ETF1: variants seen among roughly 807,000 people sequenced by gnomAD.
ETF1 encodes eukaryotic translation termination factor 1.
ETF1 carries 4 observed loss-of-function variants against 55.1 expected under a neutral mutation model. The ratio of observed to expected loss-of-function variants is 0.07; its 90% CI spans 0.04 to 0.17. The LOEUF is 0.17. Ranked by LOEUF, ETF1 falls within the 10% of genes least tolerant of loss-of-function variation. ETF1 has a pLI of 1.00. For synonymous variants in ETF1, 157 were observed against 182.3 expected (o/e 0.86, Z 1.12); for missense variants, 142 against 523.6 (o/e 0.27, Z 7.11).
chr5:138,541,489 T>C (rs1766171228), intron 2 of ETF1: 1 of 1,462,058 alleles, frequency 6.8e-7, no homozygotes, highest in African/African-American at 1.4e-5. Context: ...GTCCCTAATT[T>C]ATTAAGAACA....
intron 4 of ETF1, among the ~76,000 whole-genome samples, chr5:138,516,366 A>T (rs1765017190): frequency 8.0e-6 from 1 of 124,880 alleles, no homozygotes; most frequent in African/African-American, 2.6e-5. Flanking sequence ...ACCCACAAAA[A>T]TCAAAACACA....
At position 138,521,271 on chromosome 5, in the gene ETF1, A is replaced by C. The variant is rs553570411; in HGVS notation, c.87-2404T>G. ...TTCTGCTTACATGAGGTAACCTAGA[A>C]TATTAAAGTTCATAGAGACAGAGAG... On this transcript the variant is annotated intron_variant, in intron 2 of 10. Transcript: ENST00000360541. Among the ~76,000 whole-genome samples, 3 of 152,338 alleles carry C rather than the reference A, an allele frequency of 2.0e-5. No individual in the cohort carries two copies. In the East Asian group the frequency reaches 5.8e-4, roughly 29 times the overall value.
At chr5:138,515,326 G>A (rs1426537568) in intron 4 of ETF1, among the ~76,000 whole-genome samples, 1 of 152,204 alleles carries the variant, frequency 6.6e-6, no homozygotes, top group East Asian at 1.9e-4. Flanking sequence ...TCAGGAGGCT[G>A]AGGCAGGACA....
chr5:138,523,900 G>A (rs1022412984), intron 2 of ETF1, among the ~76,000 whole-genome samples: 20 of 152,074 alleles, frequency 1.3e-4, no homozygotes, highest in Admixed American at 6.6e-5. Context: ...ACCCTGGCTG[G>A]GCATGGTGGC....
At position 138,510,294 on chromosome 5, in the gene ETF1, G is replaced by A. The variant is rs190959804; in HGVS notation, c.1083+271C>T. Among the ~76,000 whole-genome samples the A allele has an allele frequency of 3.4e-5, 5 of 146,870 alleles. No homozygotes were observed. In the East Asian group the frequency reaches 1.0e-3, roughly 30 times the overall value. ...GATCACTTGAGCCCAGGAGGTGGAGGTTGCAGCGAGCCGAGATCATGCCAC... is the reference window on the plus strand; with the variant it reads ...GATCACTTGAGCCCAGGAGGTGGAGATTGCAGCGAGCCGAGATCATGCCAC... On this transcript the variant is annotated intron_variant, in intron 9 of 10. Coordinates refer to ENST00000360541, the MANE Select transcript of ETF1 (RefSeq NM_004730.4).
At chr5:138,513,493 C>A in intron 5 of ETF1, 75 bp downstream of exon 5, 1 of 1,305,528 alleles carries the variant, frequency 7.7e-7, no homozygotes, top group African/African-American at 1.4e-5. Context: ...CGTGAGCCAC[C>A]GCACCCGGCC....
At chr5:138,524,662 C>T (rs2127098936) in intron 2 of ETF1, among the ~76,000 whole-genome samples, 1 of 149,162 alleles carries the variant, frequency 6.7e-6, no homozygotes, top group Middle Eastern at 3.5e-3. Flanking sequence ...ACTGTAGCCT[C>T]TGCCTCCTGG....
chr5:138,508,502 A>G, intron 10 of ETF1, 115 bp from the exon 11 acceptor site: 1 of 1,563,536 alleles, frequency 6.4e-7, no homozygotes, highest in South Asian at 1.2e-5. Flanking sequence ...CAGAAAGCAA[A>G]GAGGTAATAA....
chr5:138,509,734 A>C (rs2127061943), intron 9 of ETF1, among the ~76,000 whole-genome samples: 1 of 152,140 alleles, frequency 6.6e-6, no homozygotes, highest in South Asian at 2.1e-4. Flanking sequence ...GTCTCTACTA[A>C]AAATACAAAA....
intron 2 of ETF1, among the ~76,000 whole-genome samples, chr5:138,539,781 A>G (rs563125369): frequency 1.1e-4 from 16 of 152,358 alleles, no homozygotes; most frequent in Middle Eastern, 6.8e-3. Context: ...GTTATAGCTC[A>G]GACTACATTT....
chr5:138,509,290 G>A (rs1764671230), intron 9 of ETF1: 2 of 457,250 alleles, frequency 4.4e-6, no homozygotes, highest in South Asian at 1.9e-4. Flanking sequence ...TGCACTTAGA[G>A]CAAACCAGAG....
intron 9 of ETF1, 66 bp downstream of exon 9, chr5:138,510,499 A>T: frequency 7.9e-7 from 1 of 1,261,040 alleles, no homozygotes; most frequent in African/African-American, 1.5e-5. Context: ...CCCTCTACAC[A>T]GCCAGTACTC....
At chr5:138,524,586 T>C (rs1765381843) in intron 2 of ETF1, among the ~76,000 whole-genome samples, 1 of 143,622 alleles carries the variant, frequency 7.0e-6, no homozygotes. Flanking sequence ...CCGTTTTTTG[T>C]TTTTTTTTTT....
At chr5:138,535,718 C>CA (rs1160282241) in intron 2 of ETF1, among the ~76,000 whole-genome samples, 4,547 of 116,664 alleles carry the variant, frequency 0.039, 257 homozygotes, top group African/African-American at 0.13. Flanking sequence ...AAGACCGTCT[C>CA]AAAAAAAAAA....
intron 9 of ETF1, chr5:138,509,273 G>T: frequency 1.5e-6 from 1 of 650,906 alleles, no homozygotes. Flanking sequence ...ACTTTCAACT[G>T]TTGTGATGCA....
chr5:138,542,416 G>A (rs760029211), intron 2 of ETF1, among the ~76,000 whole-genome samples: 1 of 152,184 alleles, frequency 6.6e-6, no homozygotes, highest in Non-Finnish European at 1.5e-5. Flanking sequence ...ATTTTAATGA[G>A]GCCTGGCTGA....
At chr5:138,525,272 C>A (rs1484868416) in intron 2 of ETF1, among the ~76,000 whole-genome samples, 1 of 152,038 alleles carries the variant, frequency 6.6e-6, no homozygotes, top group Non-Finnish European at 1.5e-5. Flanking sequence ...ATTCTCCTGC[C>A]TCAGCCTCCC....
intron 10 of ETF1, 86 bp from the exon 11 acceptor site, chr5:138,508,473 C>G: frequency 6.9e-6 from 11 of 1,583,424 alleles, no homozygotes; most frequent in Non-Finnish European, 9.4e-6. Flanking sequence ...AAGGGAAGCC[C>G]TATTCTCTTG....
At chr5:138,509,598 TA>T (rs1260955027) in intron 9 of ETF1, among the ~76,000 whole-genome samples, 1 of 151,328 alleles carries the variant, frequency 6.6e-6, no homozygotes, top group Non-Finnish European at 1.5e-5. Context: ...CCCATTTCTA[TA>T]AAAAAAATTA....
Sources: allele counts gnomAD v4.1 joint callset (sites outside exome capture counted in the v4.1 genomes callset), GRCh38; gene constraint gnomAD v4.1.1; transcripts MANE v1.5; gene names NCBI Gene and HGNC (gene_info 2026-07-23, HGNC 2026-07-21).